RBFOX1: variants seen among roughly 807,000 people sequenced by gnomAD.
RBFOX1 encodes the protein RNA binding fox-1 homolog 1.
RBFOX1 carries 8 observed loss-of-function variants against 57.7 expected under a neutral mutation model. The observed-to-expected ratio is 0.14, with a 90% CI of 0.08 to 0.25. The LOEUF (loss-of-function observed/expected upper bound fraction) is 0.25. RBFOX1 is among the 10% of genes least tolerant of loss of function. The probability of loss-of-function intolerance (pLI) is 1.00; values close to 1 mark genes in which losing one functional copy is unlikely to be tolerated. For missense variants in RBFOX1, 611 were observed against 548.5 expected (o/e 1.11, Z -1.14); for synonymous variants, 326 against 222.4 (o/e 1.47, Z -4.15).
intron 14 of RBFOX1, among the ~76,000 whole-genome samples, chr16:7,697,307 G>C (rs187341843): frequency 6.6e-6 from 1 of 152,102 alleles, no homozygotes; most frequent in African/African-American, 2.4e-5. Flanking sequence ...GTACAAGCTC[G>C]AGTCTGTTAA....
At chr16:6,583,347 C>G (rs1207165186) in intron 2 of RBFOX1, among the ~76,000 whole-genome samples, 1 of 152,114 alleles carries the variant, frequency 6.6e-6, no homozygotes, top group African/African-American at 2.4e-5. Context: ...GGGTTGCGTG[C>G]AGAGCAATGG....
chr16:6,799,990 T>G (rs1380519086), intron 3 of RBFOX1, among the ~76,000 whole-genome samples: 2 of 152,184 alleles, frequency 1.3e-5, no homozygotes, highest in Admixed American at 6.5e-5. Flanking sequence ...TCATATATAT[T>G]AAACACATAT....
intron 3 of RBFOX1, among the ~76,000 whole-genome samples, chr16:6,699,411 C>G (rs1469965737): frequency 6.6e-6 from 1 of 151,704 alleles, no homozygotes; most frequent in Non-Finnish European, 1.5e-5. Flanking sequence ...TTTCAGAGTC[C>G]AGACCATGCT....
intron 1 of RBFOX1, among the ~76,000 whole-genome samples, chr16:5,428,915 G>T (rs763052108): frequency 6.6e-6 from 1 of 152,132 alleles, no homozygotes; most frequent in Non-Finnish European, 1.5e-5. Context: ...ACTCAGTAAG[G>T]TATAAGGTGA....
At chr16:5,707,567 T>TC (rs1270776228) in intron 3 of RBFOX1, among the ~76,000 whole-genome samples, 5 of 152,086 alleles carry the variant, frequency 3.3e-5, no homozygotes, top group African/African-American at 9.7e-5. Flanking sequence ...TATCATGCCT[T>TC]CCCCCAACAC....
At chr16:5,855,130 C>G (rs1033944386) in intron 3 of RBFOX1, among the ~76,000 whole-genome samples, 1 of 152,128 alleles carries the variant, frequency 6.6e-6, no homozygotes, top group African/African-American at 2.4e-5. Context: ...ATATTATCCC[C>G]TTATTAGATA....
rs551222834 is a variant in RBFOX1 at position 7,316,203 on chromosome 16, A to C, written c.28-201944A>C. Among the ~76,000 whole-genome samples the C allele has an allele frequency of 2.6e-5, 4 of 152,344 alleles. No homozygotes were observed. In the South Asian group the frequency reaches 8.3e-4, roughly 32 times the overall value. On this transcript the variant is annotated intron_variant, in intron 4 of 15. Coordinates refer to ENST00000550418, the MANE Select transcript of RBFOX1 (RefSeq NM_018723.4). Reference sequence around the variant, plus strand: ...AGAGAAAGATCAACTTTTCAAAATAATGATGTCTTTAATTCAAGGCAGCAG... The same window carrying C: ...AGAGAAAGATCAACTTTTCAAAATACTGATGTCTTTAATTCAAGGCAGCAG...
chr16:5,327,699 G>A (rs779053456), intron 1 of RBFOX1, among the ~76,000 whole-genome samples: 13 of 152,106 alleles, frequency 8.5e-5, no homozygotes, highest in Admixed American at 6.6e-5. Flanking sequence ...CCCCCTCCCC[G>A]ATTCCCTGGC....
At chr16:7,189,355 G>T (rs916058134) in intron 4 of RBFOX1, among the ~76,000 whole-genome samples, 7 of 150,438 alleles carry the variant, frequency 4.7e-5, no homozygotes, top group African/African-American at 1.5e-4. Context: ...GAACCCGGGA[G>T]GTGGAGCTTG....
intron 14 of RBFOX1, among the ~76,000 whole-genome samples, chr16:7,696,059 G>A (rs966714260): frequency 2.0e-5 from 3 of 152,290 alleles, no homozygotes; most frequent in African/African-American, 4.8e-5. Flanking sequence ...TGCCTTTTAC[G>A]TGGGTCTTGT....
At chr16:6,977,032 A>G (rs1414746255) in intron 3 of RBFOX1, among the ~76,000 whole-genome samples, 1 of 139,744 alleles carries the variant, frequency 7.2e-6, no homozygotes, top group East Asian at 2.1e-4. Flanking sequence ...TGTATCATAT[A>G]TATCATATAT....
chr16:5,577,989 G>C (rs547736775), intron 2 of RBFOX1, among the ~76,000 whole-genome samples: 63 of 152,218 alleles, frequency 4.1e-4, no homozygotes, highest in Non-Finnish European at 8.2e-4. Context: ...GTCTCTCTCT[G>C]TTGCCAGGCT....
At chr16:6,102,078 A>C (rs555631315) in intron 1 of RBFOX1, among the ~76,000 whole-genome samples, 12 of 151,396 alleles carry the variant, frequency 7.9e-5, no homozygotes, top group African/African-American at 2.7e-4. Flanking sequence ...TGTGTGTAGC[A>C]GGGTGGTCTG....
intron 13 of RBFOX1, among the ~76,000 whole-genome samples, chr16:7,674,581 C>T (rs1300080394): frequency 6.6e-6 from 1 of 152,150 alleles, no homozygotes; most frequent in Non-Finnish European, 1.5e-5. Context: ...ATAATAAAGT[C>T]ATAAATAATA....
chr16:6,848,054 A>C (rs1457353591), intron 3 of RBFOX1, among the ~76,000 whole-genome samples: 1 of 151,822 alleles, frequency 6.6e-6, no homozygotes, highest in East Asian at 1.9e-4. Flanking sequence ...CTGGTCTCCA[A>C]CTCCTGACCT....
At chr16:5,741,645 T>C (rs1425622483) in intron 3 of RBFOX1, among the ~76,000 whole-genome samples, 13 of 152,236 alleles carry the variant, frequency 8.5e-5, no homozygotes, top group African/African-American at 2.7e-4. Flanking sequence ...TTGCGACACA[T>C]ATATCACCAT....
intron 3 of RBFOX1, among the ~76,000 whole-genome samples, chr16:5,771,096 C>T (rs2053962564): frequency 6.6e-6 from 1 of 152,168 alleles, no homozygotes; most frequent in South Asian, 2.1e-4. Flanking sequence ...GCATTTTAAA[C>T]TGTGTAAAGT....
intron 5 of RBFOX1, among the ~76,000 whole-genome samples, chr16:7,554,974 T>C (rs1876339): frequency 0.22 from 33,123 of 152,230 alleles, 3,954 homozygotes; most frequent in South Asian, 0.32. Context: ...ATGAATATTA[T>C]GTTTATTATT....
chr16:7,282,946 G>C (rs965709874), intron 4 of RBFOX1, among the ~76,000 whole-genome samples: 1 of 152,194 alleles, frequency 6.6e-6, no homozygotes, highest in African/African-American at 2.4e-5. Flanking sequence ...TCCATCATGT[G>C]TGTGTGTTTG....
Sources: gnomAD v4.1 joint callset for allele counts (sites outside exome capture counted in the v4.1 genomes callset) on GRCh38, gnomAD v4.1.1 for gene constraint, MANE v1.5 for transcripts, NCBI Gene and HGNC (gene_info 2026-07-23, HGNC 2026-07-21) for gene names.